The following MAPK10 variants were observed in gnomAD, a reference collection of about 807,000 sequenced individuals.
MAPK10 encodes mitogen-activated protein kinase 10.
Under a neutral mutation model 59.3 loss-of-function variants are expected in MAPK10, and 25 were observed. That is an observed-to-expected ratio of 0.42 (90% CI 0.31 to 0.59). The LOEUF (loss-of-function observed/expected upper bound fraction) is 0.59, where lower values mean the gene tolerates loss of function less well. Ranked by LOEUF, MAPK10 falls within the 20% of genes least tolerant of loss-of-function variation. MAPK10 has a pLI of 0.15. For missense variants in MAPK10, 351 were observed against 568.9 expected (o/e 0.62, Z 3.90); for synonymous variants, 190 against 200.5 (o/e 0.95, Z 0.44).
intron 4 of MAPK10, among the ~76,000 whole-genome samples, chr4:86,113,408 T>A (rs150998897): frequency 0.019 from 2,910 of 152,332 alleles, 40 homozygotes; most frequent in South Asian, 0.065. Flanking sequence ...AAGGCAGCCC[T>A]GGTGGTGACA....
intron 9 of MAPK10, among the ~76,000 whole-genome samples, chr4:86,086,757 G>A (rs1260342279): frequency 6.6e-6 from 1 of 152,012 alleles, no homozygotes; most frequent in African/African-American, 2.4e-5. Flanking sequence ...TAATTTTATT[G>A]TATTTTCAGT....
intron 1 of MAPK10, among the ~76,000 whole-genome samples, chr4:86,564,084 G>A (rs1382524469): frequency 2.6e-5 from 4 of 152,006 alleles, no homozygotes; most frequent in Non-Finnish European, 4.4e-5. Context: ...AGTCACCCTC[G>A]GCCTCCCAAA....
intron 1 of MAPK10, among the ~76,000 whole-genome samples, chr4:86,468,353 C>T (rs1158459085): frequency 6.6e-6 from 1 of 152,196 alleles, no homozygotes; most frequent in Admixed American, 6.5e-5. Flanking sequence ...CCTTTGACCA[C>T]TTCGCAATAA....
rs1282830934 is a variant in MAPK10, at chr4:86,098,614, G to A, written c.731-19C>T. 1 of 1,578,292 alleles carries A rather than the reference G, an allele frequency of 6.3e-7. No homozygotes were observed. The highest frequency in any genetic ancestry group is 1.1e-5 in the South Asian group (1 of 90,026). On this transcript the variant is annotated intron_variant, in intron 8 of 13. Transcript: ENST00000641462. ...ATATCCACTAGAACAGGAGAGAGAG[G>A]GTAGTGAAGAAAAGGGAGGAAAGTA...
intron 10 of MAPK10, 53 bp from the exon 11 acceptor site, chr4:86,064,443 A>C (rs2046336347): frequency 6.3e-7 from 1 of 1,578,376 alleles, no homozygotes; most frequent in Non-Finnish European, 8.7e-7. Context: ...TCAGTAAGGA[A>C]ATTTGTCAGA....
At chr4:86,281,097 A>C (rs2094784939) in intron 2 of MAPK10, among the ~76,000 whole-genome samples, 1 of 152,132 alleles carries the variant, frequency 6.6e-6, no homozygotes, top group African/African-American at 2.4e-5. Flanking sequence ...TCTAAAATAG[A>C]AGTTGAAAAG....
At chr4:86,294,251 C>G (rs960466057) in intron 2 of MAPK10, among the ~76,000 whole-genome samples, 8 of 152,158 alleles carry the variant, frequency 5.3e-5, no homozygotes, top group Non-Finnish European at 5.9e-5. Flanking sequence ...CCCTACTCTT[C>G]CATCCATGTT....
chr4:86,402,305 G>A (rs1743829546), intron 1 of MAPK10, among the ~76,000 whole-genome samples: 1 of 152,102 alleles, frequency 6.6e-6, no homozygotes, highest in Admixed American at 6.5e-5. Context: ...CATGTCTGAA[G>A]CCATCTGCAA....
chr4:86,279,360 G>A (rs570201899), intron 2 of MAPK10, among the ~76,000 whole-genome samples: 7 of 151,980 alleles, frequency 4.6e-5, no homozygotes, highest in African/African-American at 1.5e-4. Context: ...AGAGAAGTAC[G>A]CACATCCTGT....
chr4:86,366,303 T>G (rs1737888756), intron 1 of MAPK10, among the ~76,000 whole-genome samples: 1 of 152,130 alleles, frequency 6.6e-6, no homozygotes, highest in Non-Finnish European at 1.5e-5. Context: ...GATGAGAAGG[T>G]CCTACATCTT....
At chr4:86,415,900 A>G (rs753107841) in intron 1 of MAPK10, among the ~76,000 whole-genome samples, 2 of 152,216 alleles carry the variant, frequency 1.3e-5, no homozygotes, top group Non-Finnish European at 2.9e-5. Flanking sequence ...GGTGGTCCAG[A>G]ATATGCCTTC....
At chr4:86,273,038 T>C (rs2094478089) in intron 2 of MAPK10, among the ~76,000 whole-genome samples, 1 of 152,082 alleles carries the variant, frequency 6.6e-6, no homozygotes, top group Non-Finnish European at 1.5e-5. Context: ...TTGCAGCACT[T>C]TTTAAAATGC....
intron 2 of MAPK10, among the ~76,000 whole-genome samples, chr4:86,346,803 G>T (rs1728516928): frequency 6.7e-6 from 1 of 150,118 alleles, no homozygotes; most frequent in Admixed American, 6.6e-5. Context: ...AGCTTAAATT[G>T]TTTCCTACCC....
At chr4:86,348,747 C>T (rs1729605753) in intron 2 of MAPK10, among the ~76,000 whole-genome samples, 1 of 152,144 alleles carries the variant, frequency 6.6e-6, no homozygotes, top group African/African-American at 2.4e-5. Flanking sequence ...AACTTACAAA[C>T]AATCCTGCAT....
intron 4 of MAPK10, among the ~76,000 whole-genome samples, chr4:86,153,154 C>T (rs1024719192): frequency 1.3e-5 from 2 of 151,994 alleles, no homozygotes; most frequent in Non-Finnish European, 2.9e-5. Context: ...AAAATAAGAA[C>T]CAGCATCACT....
chr4:86,171,681 C>T (rs1258551183), intron 3 of MAPK10, among the ~76,000 whole-genome samples: 7 of 152,014 alleles, frequency 4.6e-5, no homozygotes, highest in African/African-American at 1.2e-4. Flanking sequence ...GGACTTCATG[C>T]CTAAAACACC....
intron 2 of MAPK10, among the ~76,000 whole-genome samples, chr4:86,228,474 C>A (rs755192515): frequency 6.6e-6 from 1 of 152,134 alleles, no homozygotes; most frequent in Non-Finnish European, 1.5e-5. Flanking sequence ...ATCCTTCTCC[C>A]ATATACTTCT....
chr4:86,168,815 A>G (rs1025036855), intron 3 of MAPK10, among the ~76,000 whole-genome samples: 11 of 152,132 alleles, frequency 7.2e-5, no homozygotes, highest in African/African-American at 2.7e-4. Flanking sequence ...GGCACCCCCC[A>G]GTAGGGGCAG....
At chr4:86,480,319 C>T (rs372287816) in intron 1 of MAPK10, among the ~76,000 whole-genome samples, 118 of 89,292 alleles carry the variant, frequency 1.3e-3, no homozygotes, top group Non-Finnish European at 2.8e-3. Context: ...CACCCTGTGA[C>T]CCCCCCACTC....
Sources: gnomAD v4.1 joint callset for allele counts (sites outside exome capture counted in the v4.1 genomes callset) on GRCh38, gnomAD v4.1.1 for gene constraint, MANE v1.5 for transcripts, NCBI Gene and HGNC (gene_info 2026-07-23, HGNC 2026-07-21) for gene names.